Variants in EXD3 observed in about 807,000 individuals in gnomAD.
The protein encoded by EXD3 is exonuclease 3'-5' domain containing 3.
A neutral mutation model predicts 98.0 loss-of-function variants in EXD3; 92 were observed. That is an observed-to-expected ratio of 0.94 (90% CI 0.79 to 1.12). The LOEUF is 1.12. Among genes scored for constraint, EXD3 ranks in the 50% most tolerant of loss-of-function variants. The pLI is 0.00. For synonymous variants in EXD3, 569 were observed against 526.0 expected (o/e 1.08, Z -1.12); for missense variants, 1,222 against 1,191.6 (o/e 1.03, Z -0.38).
At chr9:137,386,811 C>CCCCGG in intron 2 of EXD3, among the ~76,000 whole-genome samples, 1 of 137,320 alleles carries the variant, frequency 7.3e-6, no homozygotes, top group Non-Finnish European at 1.6e-5. Context: ...CCTGCCTGGC[C>CCCCGG]CCCTCAGCAC....
intron 3 of EXD3, among the ~76,000 whole-genome samples, chr9:137,380,752 C>T (rs1213475328): frequency 7.2e-6 from 1 of 139,282 alleles, no homozygotes; most frequent in Non-Finnish European, 1.5e-5. Flanking sequence ...GCTCCACTCA[C>T]GGCTTCAGTA....
At position 137,306,973 on chromosome 9, in the gene EXD3, TG is replaced by T; in HGVS notation, c.2607del (p.Ser870AlafsTer?). 1.3e-6 allele frequency: 2 copies of T among 1,592,148 alleles called. No individual in the cohort carries two copies. The highest frequency in any genetic ancestry group is 1.3e-5 in the African/African-American group (1 of 74,536). On this transcript the variant is annotated frameshift_variant, in exon 22 of 22. Transcript: ENST00000340951. LOFTEE classifies it low-confidence loss of function (END_TRUNC). ...APSPCEPSPA[P>X]SPASSPF ...CCTCAGAAGGGACTGCTGGCCGGGC[TG>T]GGGGCTGGGCTCGGCTCGCAGGGGC...
chr9:137,325,896 C>A (rs1321637365), intron 17 of EXD3, among the ~76,000 whole-genome samples: 1 of 151,812 alleles, frequency 6.6e-6, no homozygotes, highest in Non-Finnish European at 1.5e-5. Flanking sequence ...CCTAGACCAG[C>A]CTGGGCAACA....
intron 1 of EXD3, among the ~76,000 whole-genome samples, chr9:137,408,835 A>C (rs1340467314): frequency 6.6e-6 from 1 of 152,308 alleles, no homozygotes; most frequent in East Asian, 1.9e-4. Flanking sequence ...CAGGCCCAGG[A>C]CCCGGGCGCA....
intron 10 of EXD3, chr9:137,353,849 C>T (rs1352172357): frequency 8.1e-6 from 8 of 986,962 alleles, no homozygotes; most frequent in Admixed American, 6.1e-5. Flanking sequence ...CCGCTGGCTT[C>T]AGGCCCAGCA....
Position 137,379,563 on chromosome 9 carries a change from G to A in EXD3, c.120+3750C>T, listed in dbSNP as rs116849597. Among the ~76,000 whole-genome samples, 35 of 151,810 alleles carry A rather than the reference G, an allele frequency of 2.3e-4. 1 individual carries two copies. In the East Asian group the frequency reaches 6.6e-3, roughly 28 times the overall value. ...GGGGTACGGGGTTTGCTTCTGAAGC[G>A]ATGAACCATTCTGAAACCAGAAGAG... On this transcript the variant is annotated intron_variant, in intron 3 of 21. Transcript: ENST00000340951.
rs577033456 is a variant in EXD3 at position 137,313,220 on chromosome 9, G to A, written c.2185-3520C>T. ...AGCATGTGGGGAACCCGTGTCCTGG[G>A]GTGTAGGGCAGCAGGCAGTGGCCTG... On this transcript the variant is annotated intron_variant, in intron 19 of 21. Coordinates refer to ENST00000340951, the MANE Select transcript of EXD3 (RefSeq NM_017820.5). Among the ~76,000 whole-genome samples the A allele has an allele frequency of 3.3e-4, 51 of 152,300 alleles. 1 individual carries two copies. The highest frequency in any genetic ancestry group is 1.2e-3 in the African/African-American group (50 of 41,562).
At position 137,393,810 on chromosome 9, in the gene EXD3, G is replaced by C. The variant is rs927119421; in HGVS notation, c.55+1493C>G. 3.3e-5 allele frequency among the ~76,000 whole-genome samples: 5 copies of C among 152,200 alleles called. No individual in the cohort carries two copies. Among genetic ancestry groups the C allele is most frequent in the East Asian group, 3.8e-4 (2 of 5,202 alleles). ...TAGGGTGGAACTGGGCAAAGGCCAG[G>C]GGGCGGTGAGTGAAAAGGCAGTAAA... is the stretch of plus-strand genomic sequence containing the variant. On this transcript the variant is annotated intron_variant, in intron 2 of 21. Coordinates refer to ENST00000340951, the MANE Select transcript of EXD3 (RefSeq NM_017820.5). The surrounding 1 kb of genome is among the most constrained non-coding windows in gnomAD (Gnocchi z 4.6).
At chr9:137,350,653 TAGAG>T (rs924393470) in intron 14 of EXD3, among the ~76,000 whole-genome samples, 2 of 110,420 alleles carry the variant, frequency 1.8e-5, no homozygotes, top group African/African-American at 3.5e-5. Flanking sequence ...GGGTTCTAGA[TAGAG>T]AGGGGTGGGG....
At chr9:137,314,882 A>G (rs1020218660) in intron 19 of EXD3, among the ~76,000 whole-genome samples, 2 of 152,186 alleles carry the variant, frequency 1.3e-5, no homozygotes, top group African/African-American at 4.8e-5. Flanking sequence ...GTCTGGGCAC[A>G]CGTGCGCAAC....
At chr9:137,365,112 C>T (rs1009756638) in intron 7 of EXD3, 13 of 151,452 alleles carry the variant, frequency 8.6e-5, no homozygotes, top group African/African-American at 3.2e-4. Flanking sequence ...CGATGGCAAC[C>T]GACTATGTGC....
chr9:137,394,747 G>A lies in EXD3; in HGVS notation c.55+556C>T, dbSNP rs1332777638. Among the ~76,000 whole-genome samples, 6 of 152,298 alleles carry A rather than the reference G, an allele frequency of 3.9e-5. No individual in the cohort carries two copies. In the Middle Eastern group the frequency reaches 0.01, roughly 259 times the overall value. Reference sequence around the variant, plus strand: ...CCCCGGCTTTGCCCACAGGGAAGGTGCCTCTCATTTCTCTTTTTTAACCTG... The same window carrying A: ...CCCCGGCTTTGCCCACAGGGAAGGTACCTCTCATTTCTCTTTTTTAACCTG... On this transcript the variant is annotated intron_variant, in intron 2 of 21. Coordinates refer to ENST00000340951, the MANE Select transcript of EXD3 (RefSeq NM_017820.5).
chr9:137,333,543 G>A, intron 17 of EXD3, among the ~76,000 whole-genome samples: 1 of 152,152 alleles, frequency 6.6e-6, no homozygotes, highest in Non-Finnish European at 1.5e-5. Flanking sequence ...TGGCCTGGAG[G>A]GAGGCCACTC....
chr9:137,307,457 C>T, intron 21 of EXD3, 151 bp downstream of exon 21: 3 of 1,258,884 alleles, frequency 2.4e-6, no homozygotes, highest in Middle Eastern at 2.8e-4. Context: ...TCCAGGGACC[C>T]CACCCCTCAC....
chr9:137,351,155 CA>C lies in EXD3; in HGVS notation c.1385-9del. 1 of 1,564,740 alleles carries C rather than the reference CA, an allele frequency of 6.4e-7. No individual in the cohort carries two copies. Among genetic ancestry groups the C allele is most frequent in the Non-Finnish European group, 8.7e-7 (1 of 1,155,500 alleles). ...CCCCCACCATCCCGTAGCCTGTGGG[CA>C]GGAACCATCGTGGGAGGGGCGCCTG... On this transcript the variant is annotated splice_polypyrimidine_tract_variant and intron_variant, in intron 13 of 21. Coordinates refer to ENST00000340951, the MANE Select transcript of EXD3 (RefSeq NM_017820.5).
intron 3 of EXD3, among the ~76,000 whole-genome samples, chr9:137,378,191 T>C (rs183520542): frequency 5.6e-4 from 85 of 150,998 alleles, no homozygotes; most frequent in African/African-American, 2.0e-3. Flanking sequence ...TTCCCAAAGA[T>C]TTATTTGTTT....
In EXD3 at chr9:137,309,677, T is replaced by G. The variant is rs773772952; in HGVS notation, c.2208A>C (p.Leu736=). Residue 736 remains leucine, a synonymous_variant, in exon 20 of 22, where the codon CTA becomes CTC. Transcript: ENST00000340951. The stretch of plus-strand genomic sequence containing the variant: ...GCTTCATCATGTCCCTGGAGACCTT[T>G]AGGTACTGGTCACAGTTACAGGCCT... ...RCQACNCDQY[L]KVSRDMMKQL... The G allele has an allele frequency of 6.4e-7, 1 of 1,557,296 alleles. No individual in the cohort carries two copies. Among genetic ancestry groups the G allele is most frequent in the Non-Finnish European group, 8.7e-7 (1 of 1,150,718 alleles).
chr9:137,351,993 C>A, intron 12 of EXD3, 73 bp downstream of exon 12: 2 of 1,520,388 alleles, frequency 1.3e-6, no homozygotes, highest in South Asian at 1.3e-5. Flanking sequence ...GAATGCCATG[C>A]CCCTGATGCT....
chr9:137,377,693 C>A (rs1835985403), intron 3 of EXD3, among the ~76,000 whole-genome samples: 1 of 151,014 alleles, frequency 6.6e-6, no homozygotes, highest in Admixed American at 6.6e-5. Flanking sequence ...TGCACTCCAG[C>A]CTGGGTGACG....
Sources: gnomAD v4.1 joint callset for allele counts (sites outside exome capture counted in the v4.1 genomes callset) on GRCh38, gnomAD v4.1.1 for gene constraint, Gnocchi (gnomAD v3.1) non-coding constraint, MANE v1.5 for transcripts, NCBI Gene and HGNC (gene_info 2026-07-23, HGNC 2026-07-21) for gene names.